The following CHODL variants were observed in gnomAD, a reference collection of about 807,000 sequenced individuals.
CHODL encodes transmembrane protein MT75.
Under a neutral mutation model 34.5 loss-of-function variants are expected in CHODL, and 29 were observed. That is an observed-to-expected ratio of 0.84 (90% CI 0.63 to 1.15). The LOEUF is 1.15. Among genes scored for constraint, CHODL ranks in the 50% most tolerant of loss-of-function variants. The pLI is 0.00. For missense variants in CHODL, 332 were observed against 332.5 expected (o/e 1.00, Z 0.01); for synonymous variants, 125 against 116.1 (o/e 1.08, Z -0.49).
At chr21:18,139,070 T>G (rs527299850) in intron 2 of CHODL, among the ~76,000 whole-genome samples, 2 of 152,204 alleles carry the variant, frequency 1.3e-5, no homozygotes, top group South Asian at 2.1e-4. Context: ...AATGTGCGCA[T>G]GAGTATGTGT....
At chr21:18,182,848 A>G (rs1232243945) in intron 2 of CHODL, among the ~76,000 whole-genome samples, 1 of 152,196 alleles carries the variant, frequency 6.6e-6, no homozygotes, top group Non-Finnish European at 1.5e-5. Context: ...CTTAGTCACA[A>G]TGAAGTATTC....
chr21:18,262,871 T>C lies in CHODL; in HGVS notation c.715T>C (p.Cys239Arg). ...LLILVAFGTC[C>R]FQMLHKSKGR... Reference sequence around the variant, plus strand: ...GATACTGGTTGCTTTTGGAACCTGTTGTTTCCAGATGCTGCATAAAAGGTA... The same window carrying C: ...GATACTGGTTGCTTTTGGAACCTGTCGTTTCCAGATGCTGCATAAAAGGTA... Residue 239 changes from cysteine (C) to arginine (R), a missense_variant, in exon 5 of 6, where the codon TGT (cysteine) becomes CGT (arginine). Coordinates refer to ENST00000299295, the MANE Select transcript of CHODL (RefSeq NM_024944.3). 1 of 1,602,600 alleles carries C rather than the reference T, an allele frequency of 6.2e-7. No homozygotes were observed. Among genetic ancestry groups the C allele is most frequent in the Non-Finnish European group, 8.5e-7 (1 of 1,170,012 alleles).
chr21:17,950,829 C>A (rs552555538), intron 1 of CHODL, among the ~76,000 whole-genome samples: 155 of 152,096 alleles, frequency 1.0e-3, no homozygotes, highest in Non-Finnish European at 1.8e-3. Context: ...TAAATTTTGC[C>A]AAGTAAGTGC....
intron 1 of CHODL, among the ~76,000 whole-genome samples, chr21:18,015,109 T>A (rs2146418173): frequency 6.6e-6 from 1 of 152,292 alleles, no homozygotes; most frequent in African/African-American, 2.4e-5. Flanking sequence ...TCTGATGAGA[T>A]CTCAGATGGT....
intron 2 of CHODL, among the ~76,000 whole-genome samples, chr21:18,179,056 A>G (rs1392307053): frequency 6.6e-6 from 1 of 152,194 alleles, no homozygotes; most frequent in African/African-American, 2.4e-5. Context: ...TGTTAAAAAG[A>G]AAGCTAACCA....
chr21:17,981,366 T>C (rs1352085429), intron 1 of CHODL, among the ~76,000 whole-genome samples: 2 of 152,176 alleles, frequency 1.3e-5, no homozygotes, highest in African/African-American at 2.4e-5. Flanking sequence ...TCAAACAATG[T>C]GTTGTTCATG....
intron 2 of CHODL, among the ~76,000 whole-genome samples, chr21:18,220,863 C>T (rs1451434677): frequency 6.6e-6 from 1 of 151,940 alleles, no homozygotes; most frequent in African/African-American, 2.4e-5. Context: ...TATAATGTGC[C>T]TTGGAGAGGA....
Position 18,000,173 on chromosome 21 carries a change from A to T in CHODL, c.-144-27699A>T, listed in dbSNP as rs749437052. ...GTCTGGCAATTCACTTCAGAACATGACTGTAATCAATATTTCTGACTTAGG... is the reference window on the plus strand; with the variant it reads ...GTCTGGCAATTCACTTCAGAACATGTCTGTAATCAATATTTCTGACTTAGG... On this transcript the variant is annotated intron_variant, in intron 1 of 6. Transcript: ENST00000400127. Among the ~76,000 whole-genome samples, 95 of 152,176 alleles carry T rather than the reference A, an allele frequency of 6.2e-4. 1 individual carries two copies. Among genetic ancestry groups the T allele is most frequent in the Middle Eastern group, 6.3e-3 (2 of 316 alleles).
chr21:18,088,183 C>T (rs1003659862), intron 2 of CHODL, among the ~76,000 whole-genome samples: 2 of 152,124 alleles, frequency 1.3e-5, no homozygotes, highest in African/African-American at 4.8e-5. Context: ...AGCCTGGTTT[C>T]CCTGAGGACC....
intron 2 of CHODL, among the ~76,000 whole-genome samples, chr21:18,078,627 A>T (rs2064896302): frequency 6.6e-6 from 1 of 152,200 alleles, no homozygotes; most frequent in Non-Finnish European, 1.5e-5. Flanking sequence ...TTTATCAGTT[A>T]ATATTCCCTA....
rs1465383956 is a variant in CHODL, at chr21:18,201,799, AC to A, written c.-44-54709del. 1.4e-4 allele frequency among the ~76,000 whole-genome samples: 19 copies of A among 138,334 alleles called. No individual in the cohort carries two copies. In the East Asian group the frequency reaches 3.0e-3, roughly 22 times the overall value. 90.8% of individuals were successfully genotyped at this position (138,334 alleles called of 152,430 possible). Reference sequence around the variant, plus strand: ...TTGAATAAAGTTCATATTTTTAAAAACTTTTTTTTTTTTTTTTTTTTTTGAG... The same window carrying A: ...TTGAATAAAGTTCATATTTTTAAAAATTTTTTTTTTTTTTTTTTTTTTGAG... On this transcript the variant is annotated intron_variant, in intron 2 of 6. Coordinates refer to the CHODL transcript ENST00000400127.
At chr21:18,257,958 TCTC>T (rs1487294406) in intron 3 of CHODL, among the ~76,000 whole-genome samples, 1 of 152,192 alleles carries the variant, frequency 6.6e-6, no homozygotes, top group Non-Finnish European at 1.5e-5. Context: ...TTGCTGTTTT[TCTC>T]CTCCTCAGTG....
intron 1 of CHODL, among the ~76,000 whole-genome samples, chr21:18,010,440 C>T (rs1464902257): frequency 1.3e-5 from 2 of 151,862 alleles, no homozygotes; most frequent in Non-Finnish European, 2.9e-5. Context: ...AGCCAGAACT[C>T]TTGACAAATT....
chr21:18,074,980 C>G (rs1002246525), intron 2 of CHODL, among the ~76,000 whole-genome samples: 1 of 152,060 alleles, frequency 6.6e-6, no homozygotes, highest in Non-Finnish European at 1.5e-5. Context: ...TACTAATGGC[C>G]TATTTCCAAG....
chr21:18,232,948 T>TATATAC (rs1259863972), intron 2 of CHODL, among the ~76,000 whole-genome samples: 2 of 136,692 alleles, frequency 1.5e-5, no homozygotes, highest in African/African-American at 6.1e-5. Context: ...TTATGATATA[T>TATATAC]ATATATATAT....
intron 2 of CHODL, among the ~76,000 whole-genome samples, chr21:18,230,043 G>T (rs538072312): frequency 1.3e-5 from 2 of 152,012 alleles, no homozygotes; most frequent in African/African-American, 2.4e-5. Flanking sequence ...ATTTTTTTGC[G>T]CAGTCATACA....
At position 18,158,603 on chromosome 21, in the gene CHODL, C is replaced by T. The variant is rs145099838; in HGVS notation, c.-44-97906C>T. ...CTGTAATCCCAGCACTTTGGGAGGCCGAGGCGGGTGGATCACCTGAGGTCA... is the reference window on the plus strand; with the variant it reads ...CTGTAATCCCAGCACTTTGGGAGGCTGAGGCGGGTGGATCACCTGAGGTCA... On this transcript the variant is annotated intron_variant, in intron 2 of 6. Transcript: ENST00000400127. 8.0e-3 allele frequency among the ~76,000 whole-genome samples: 1,210 copies of T among 152,008 alleles called. 16 individuals carry two copies. The highest frequency in any genetic ancestry group is 0.028 in the African/African-American group (1,157 of 41,492).
intron 1 of CHODL, among the ~76,000 whole-genome samples, chr21:17,977,579 C>T (rs2063674182): frequency 6.8e-6 from 1 of 147,116 alleles, no homozygotes. Context: ...CCAGGATGGT[C>T]TCGATCTCTT....
chr21:18,140,162 G>C (rs545187183), intron 2 of CHODL, among the ~76,000 whole-genome samples: 1 of 152,130 alleles, frequency 6.6e-6, no homozygotes, highest in Non-Finnish European at 1.5e-5. Flanking sequence ...CCTGAGCTGC[G>C]AATAAATGGA....
Sources: gnomAD v4.1 joint callset for allele counts (sites outside exome capture counted in the v4.1 genomes callset) on GRCh38, gnomAD v4.1.1 for gene constraint, MANE v1.5 for transcripts, NCBI Gene and HGNC (gene_info 2026-07-23, HGNC 2026-07-21) for gene names.